The following LSM14B variants were observed in gnomAD, a reference collection of about 807,000 sequenced individuals.
The protein encoded by LSM14B is LSM family member 14B.
In LSM14B, 8 loss-of-function variants were observed where a neutral mutation model predicts 42.1. The observed-to-expected ratio is 0.19, with a 90% CI of 0.11 to 0.34. The LOEUF (loss-of-function observed/expected upper bound fraction) is 0.34. LSM14B is among the 10% of genes least tolerant of loss of function. The pLI is 1.00. For synonymous variants in LSM14B, 219 were observed against 209.7 expected, an observed-to-expected ratio of 1.04 and a Z score of -0.38; for missense variants, 396 against 513.1, an observed-to-expected ratio of 0.77 and a Z score of 2.21.
intron 3 of LSM14B, 94 bp from the exon 4 acceptor site, chr20:62,129,691 C>T (rs1221314670): frequency 5.9e-6 from 8 of 1,356,910 alleles, no homozygotes; most frequent in Non-Finnish European, 7.9e-6. Context: ...CCCTCCTTTC[C>T]TTCCTGACAT....
chr20:62,126,375 G>C lies in LSM14B; in HGVS notation c.363G>C (p.Ala121=). Residue 121 remains alanine, a synonymous_variant, in exon 3 of 9, where the codon GCG becomes GCC. Coordinates refer to ENST00000279068, the MANE Select transcript of LSM14B (RefSeq NM_144703.3). ...CTTACAGCCCTTTCCGAGGGATGGC[G>C]CCCTACGGCCCGCTGGCGGCCAGCT... The part of the protein sequence containing the change: ...HVPYSPFRGM[A]PYGPLAASSL... The C allele has an allele frequency of 6.2e-7, 1 of 1,612,754 alleles. No homozygotes were observed. Among genetic ancestry groups the C allele is most frequent in the Non-Finnish European group, 8.5e-7 (1 of 1,179,878 alleles).
In LSM14B at chr20:62,131,387, C is replaced by G; in HGVS notation, c.867C>G (p.Asp289Glu). 1 of 1,609,216 alleles carries G rather than the reference C, an allele frequency of 6.2e-7. No individual in the cohort carries two copies. Among genetic ancestry groups the G allele is most frequent in the Non-Finnish European group, 8.5e-7 (1 of 1,177,422 alleles). The change falls in exon 7 of 9, where the codon GAC becomes GAG. Residue 289 changes from aspartate (D) to glutamate (E), a missense_variant. Physicochemically the swap from Asp to Glu is conservative, Grantham distance 45. This residue lies in a region of LSM14B where 118 missense variants were observed against 156.4 expected (regional missense o/e 0.75). Transcript: ENST00000279068. Reference protein sequence around the residue: ...DDKAEKGEEKDLAVVTQSAEA... With the variant: ...DDKAEKGEEKELAVVTQSAEA... Reference sequence around the variant, plus strand: ...AGGCTGAGAAGGGGGAAGAGAAGGACCTGGCTGTGGTGACCCAGAGTGCCG... The same window carrying G: ...AGGCTGAGAAGGGGGAAGAGAAGGAGCTGGCTGTGGTGACCCAGAGTGCCG...
chr20:62,128,285 A>G (rs918437456), intron 3 of LSM14B, among the ~76,000 whole-genome samples: 2 of 152,190 alleles, frequency 1.3e-5, no homozygotes, highest in East Asian at 1.9e-4. Context: ...TTTCCCCTGA[A>G]GTTCTAAAAT....
At chr20:62,125,984 C>T (rs2056586407) in intron 2 of LSM14B, among the ~76,000 whole-genome samples, 4 of 152,188 alleles carry the variant, frequency 2.6e-5, no homozygotes, top group Non-Finnish European at 5.9e-5. Flanking sequence ...TCGCTTGAAC[C>T]TGGGAGGCAG....
At chr20:62,133,546 A>G (rs1417343831) in intron 8 of LSM14B, 71 bp downstream of exon 8, 5 of 1,516,856 alleles carry the variant, frequency 3.3e-6, no homozygotes, top group African/African-American at 1.4e-5. Context: ...GAGCTTAGGA[A>G]GGTGGGGAGC....
At chr20:62,123,080 G>A (rs1043474726) in intron 1 of LSM14B, 1 of 169,268 alleles carries the variant, frequency 5.9e-6, no homozygotes, top group East Asian at 1.6e-4. Flanking sequence ...GGTGTTTGGT[G>A]AGGGGCGGGC....
At chr20:62,128,930 C>G (rs1568709803) in intron 3 of LSM14B, 1 of 1,303,276 alleles carries the variant, frequency 7.7e-7, no homozygotes, top group Non-Finnish European at 1.0e-6. Flanking sequence ...GTTAGGGTGC[C>G]TTTTCTGTTT....
intron 3 of LSM14B, among the ~76,000 whole-genome samples, chr20:62,126,705 G>A (rs763231456): frequency 7.9e-5 from 12 of 152,314 alleles, no homozygotes; most frequent in Non-Finnish European, 1.8e-4. Context: ...GCGGATCTAG[G>A]TGGAAGTCCT....
At chr20:62,127,723 T>A in intron 3 of LSM14B, 1 of 1,476,668 alleles carries the variant, frequency 6.8e-7, no homozygotes, top group Non-Finnish European at 9.3e-7. Context: ...TTGGGAGAAC[T>A]GCATGCTGTC....
Position 62,134,246 on chromosome 20 carries a change from T to C in LSM14B, c.*98T>C. 1 of 471,760 alleles carries C rather than the reference T, an allele frequency of 2.1e-6. No individual in the cohort carries two copies. The highest frequency in any genetic ancestry group is 4.4e-6 in the Non-Finnish European group (1 of 227,180). 29.2% of individuals were successfully genotyped at this position (471,760 alleles called of 1,614,324 possible). On this transcript the variant is annotated 3_prime_UTR_variant, in exon 9 of 9. Transcript: ENST00000279068. ...TGCACTTACAGGGAGAGGTGGTCAC[T>C]TTGTTTACGGAGTTTGGAAGAGACC...
At position 62,129,146 on chromosome 20, in the gene LSM14B, C is replaced by T. The variant is rs143674560; in HGVS notation, c.428-639C>T. 1,538 of 463,366 alleles carry T rather than the reference C, an allele frequency of 3.3e-3. 19 individuals are homozygous for T. Among genetic ancestry groups the T allele is most frequent in the South Asian group, 0.022 (1,078 of 50,076 alleles). The allele number at this position is 463,366 out of a possible 1,614,324, so 28.7% of individuals were successfully genotyped here. On this transcript the variant is annotated intron_variant, in intron 3 of 8. Transcript: ENST00000279068. ...CATAGGCATAGCCCCTTGCCAAAGG[C>T]TACCTAGGAGCCCTTTGTGTCTTCA...
rs1374360645 is a variant in LSM14B at position 62,134,379 on chromosome 20, CTG to C, written c.*235_*236del. 4 of 459,018 alleles carry C rather than the reference CTG, an allele frequency of 8.7e-6. No individual in the cohort carries two copies. The highest frequency in any genetic ancestry group is 7.6e-5 in the Admixed American group (3 of 39,692). 28.4% of individuals were successfully genotyped at this position (459,018 alleles called of 1,614,324 possible). On this transcript the variant is annotated 3_prime_UTR_variant, in exon 9 of 9. Coordinates refer to ENST00000279068, the MANE Select transcript of LSM14B (RefSeq NM_144703.3). ...GGTAACCTCTTTGAGGTCTCTTTAT[CTG>C]TGTTTCCTTTTTAGTTGCGCATAGC...
At chr20:62,128,687 T>G (rs1400300973) in intron 3 of LSM14B, among the ~76,000 whole-genome samples, 1 of 152,182 alleles carries the variant, frequency 6.6e-6, no homozygotes, top group Non-Finnish European at 1.5e-5. Flanking sequence ...CCGGACATGC[T>G]GAGTGAGACA....
intron 3 of LSM14B, among the ~76,000 whole-genome samples, chr20:62,126,683 C>T (rs912182445): frequency 2.0e-5 from 3 of 152,086 alleles, no homozygotes; most frequent in Non-Finnish European, 2.9e-5. Context: ...AAAATTCATT[C>T]GAAGAGTCAG....
At chr20:62,126,630 A>G (rs547182170) in intron 3 of LSM14B, among the ~76,000 whole-genome samples, 191 bp downstream of exon 3, 1 of 152,392 alleles carries the variant, frequency 6.6e-6, no homozygotes, top group South Asian at 2.1e-4. Flanking sequence ...AACTGAAAGT[A>G]AAAGAGGCAG....
Position 62,130,780 on chromosome 20 carries a change from A to G in LSM14B, c.835+89A>G. 1.4e-6 allele frequency: 2 copies of G among 1,379,986 alleles called. No individual in the cohort carries two copies. The highest frequency in any genetic ancestry group is 2.0e-6 in the Non-Finnish European group (2 of 1,017,814). The allele number at this position is 1,379,986 out of a possible 1,614,324, so 85.5% of individuals were successfully genotyped here. A position where few individuals can be genotyped will look rare whatever the true frequency, so the allele number is the denominator to read the frequency against. On this transcript the variant is annotated intron_variant, in intron 6 of 8. Transcript: ENST00000279068. This position sits in a 1 kb window ranked among gnomAD's most constrained non-coding sequence, Gnocchi z 4.1. ...GATGCCTGGCCGGGTGTGGTGGTTC[A>G]CGCCTGTAATCTCAGCACTTTGGGA...
intron 2 of LSM14B, among the ~76,000 whole-genome samples, chr20:62,125,541 A>C (rs2056568946): frequency 6.6e-6 from 1 of 152,222 alleles, no homozygotes. Flanking sequence ...CCAGATTTGC[A>C]AGTCTGATGC....
Position 62,135,314 on chromosome 20 carries a change from G to C in LSM14B, c.*1166G>C, listed in dbSNP as rs868350869. On this transcript the variant is annotated 3_prime_UTR_variant, in exon 9 of 9. Coordinates refer to ENST00000279068, the MANE Select transcript of LSM14B (RefSeq NM_144703.3). ...TGGCTAAGAATTAGAACATAGCAAGGGGGCTCCTCTGTTGGAGTAATGTAA... is the reference window on the plus strand; with the variant it reads ...TGGCTAAGAATTAGAACATAGCAAGCGGGCTCCTCTGTTGGAGTAATGTAA... 3.3e-5 allele frequency: 5 copies of C among 152,166 alleles called. No individual in the cohort carries two copies. Among genetic ancestry groups the C allele is most frequent in the African/African-American group, 1.2e-4 (5 of 41,430 alleles). 9.4% of individuals were successfully genotyped at this position (152,166 alleles called of 1,614,324 possible).
In LSM14B at chr20:62,126,423, C is replaced by G. The variant is rs747700374; in HGVS notation, c.411C>G (p.Ala137=). ...GCTCCCTGCTCAGCCAGCAGTATGC[C>G]GCCTCCCTGGGTCTAGGTGAGTGAC... ...AASSLLSQQY[A]ASLGLGAGFP... The change falls in exon 3 of 9, where the codon GCC becomes GCG. Residue 137 remains alanine (A), a synonymous_variant. Coordinates refer to ENST00000279068, the MANE Select transcript of LSM14B (RefSeq NM_144703.3). 1.9e-6 allele frequency: 3 copies of G among 1,609,630 alleles called. No homozygotes were observed. The highest frequency in any genetic ancestry group is 2.5e-6 in the Non-Finnish European group (3 of 1,179,808).
Sources: gnomAD v4.1 joint callset for allele counts (sites outside exome capture counted in the v4.1 genomes callset) on GRCh38, gnomAD v4.1.1 for gene constraint, gnomAD v4.1.1 regional missense constraint, Gnocchi (gnomAD v3.1) non-coding constraint, MANE v1.5 for transcripts, NCBI Gene and HGNC (gene_info 2026-07-23, HGNC 2026-07-21) for gene names.